Variants in CPNE4 observed in about 807,000 individuals in gnomAD.
CPNE4 encodes copine 4, also known as copine-4.
Under a neutral mutation model 67.9 loss-of-function variants are expected in CPNE4, and 25 were observed. The observed-to-expected ratio is 0.37, with a 90% CI of 0.27 to 0.51. CPNE4 has a LOEUF of 0.51. Among genes scored for constraint, CPNE4 ranks in the 20% least tolerant of loss-of-function variants. CPNE4 has a pLI of 0.93. For missense variants in CPNE4, 464 were observed against 690.8 expected (o/e 0.67, Z 3.68); for synonymous variants, 242 against 244.9 (o/e 0.99, Z 0.11).
chr3:131,715,878 G>C (rs571837642), intron 3 of CPNE4, among the ~76,000 whole-genome samples: 2 of 152,284 alleles, frequency 1.3e-5, no homozygotes, highest in Non-Finnish European at 2.9e-5. Context: ...TAGCAGAAGA[G>C]GGGCTTAGCT....
chr3:131,992,781 C>T (rs2073200338), intron 1 of CPNE4, among the ~76,000 whole-genome samples: 1 of 135,918 alleles, frequency 7.4e-6, no homozygotes, highest in African/African-American at 2.5e-5. Context: ...GTAATTTAAT[C>T]ATGGAGGCAG....
At chr3:131,888,724 G>T (rs1485045966) in intron 2 of CPNE4, among the ~76,000 whole-genome samples, 1 of 152,196 alleles carries the variant, frequency 6.6e-6, no homozygotes, top group African/African-American at 2.4e-5. Context: ...CAAGTGGAAT[G>T]AAGTTGCTCC....
In CPNE4 at chr3:131,689,199, G is replaced by T. The variant is rs367771507; in HGVS notation, c.508-3241C>A. Among the ~76,000 whole-genome samples the T allele has an allele frequency of 1.4e-4, 22 of 152,270 alleles. No homozygotes were observed. In the East Asian group the frequency reaches 3.1e-3, roughly 21 times the overall value. ...ATTTAATTTCTCCAAGGCTTAGTTT[G>T]CCATTCATAATGGAAGGAGTATCAA... is the stretch of plus-strand genomic sequence containing the variant. On this transcript the variant is annotated intron_variant, in intron 5 of 15. Coordinates refer to ENST00000429747, the MANE Select transcript of CPNE4 (RefSeq NM_130808.3).
At chr3:131,989,453 A>T in intron 1 of CPNE4, among the ~76,000 whole-genome samples, 1 of 85,782 alleles carries the variant, frequency 1.2e-5, no homozygotes, top group Admixed American at 1.8e-4. Context: ...ACATGTATTA[A>T]AAATTTCTTC....
rs527457716 is a variant in CPNE4 at position 131,720,601 on chromosome 3, G to A, written c.360+2845C>T. 2.0e-5 allele frequency among the ~76,000 whole-genome samples: 3 copies of A among 152,248 alleles called. No individual in the cohort carries two copies. The East Asian group carries it at 5.8e-4, about 29-fold the overall frequency. On this transcript the variant is annotated intron_variant, in intron 3 of 15. Coordinates refer to ENST00000429747, the MANE Select transcript of CPNE4 (RefSeq NM_130808.3). ...GCCCGGCTAGGAATGGTTCTTCATGGCTGATGTGAGTATATATACACAAAG... is the reference window on the plus strand; with the variant it reads ...GCCCGGCTAGGAATGGTTCTTCATGACTGATGTGAGTATATATACACAAAG...
chr3:131,925,157 TTCTC>T (rs35525721), intron 1 of CPNE4, among the ~76,000 whole-genome samples: 16 of 147,270 alleles, frequency 1.1e-4, no homozygotes, highest in South Asian at 2.2e-4. Flanking sequence ...TGTTCTCATA[TTCTC>T]TCTCTCTCTC....
At chr3:131,932,414 G>C (rs2071090132) in intron 1 of CPNE4, among the ~76,000 whole-genome samples, 1 of 151,996 alleles carries the variant, frequency 6.6e-6, no homozygotes, top group South Asian at 2.1e-4. Flanking sequence ...TTCCGTGCTA[G>C]GTACTCATGA....
chr3:131,696,430 A>G, intron 5 of CPNE4, 112 bp downstream of exon 5: 2 of 916,426 alleles, frequency 2.2e-6, no homozygotes, highest in Non-Finnish European at 3.4e-6. Context: ...GAATTTTTGG[A>G]TCTGTTTGAT....
intron 7 of CPNE4, among the ~76,000 whole-genome samples, chr3:131,667,884 T>C (rs919849598): frequency 1.3e-5 from 2 of 152,274 alleles, no homozygotes; most frequent in East Asian, 1.9e-4. Context: ...AAGGAGGTAT[T>C]ATTTTATTTC....
At chr3:131,992,754 G>A (rs1047366301) in intron 1 of CPNE4, among the ~76,000 whole-genome samples, 2 of 136,296 alleles carry the variant, frequency 1.5e-5, no homozygotes, top group Non-Finnish European at 3.3e-5. Context: ...TGTGTTGTCA[G>A]AGGGACCTGG....
intron 2 of CPNE4, among the ~76,000 whole-genome samples, chr3:131,819,511 C>T (rs112518273): frequency 4.2e-4 from 63 of 151,802 alleles, no homozygotes; most frequent in African/African-American, 1.4e-3. Flanking sequence ...CACACACACA[C>T]ACACACACAC....
chr3:131,666,444 T>C (rs2080264034), intron 7 of CPNE4, among the ~76,000 whole-genome samples: 2 of 151,950 alleles, frequency 1.3e-5, no homozygotes, highest in Admixed American at 6.6e-5. Context: ...AGAAAAAGAA[T>C]TGTAAAATTT....
At chr3:131,942,421 CGTGTGT>C (rs745460930) in intron 1 of CPNE4, among the ~76,000 whole-genome samples, 946 of 89,472 alleles carry the variant, frequency 0.011, 24 homozygotes, top group Non-Finnish European at 0.014. Context: ...CTAGCTTCCT[CGTGTGT>C]GTGTGTGTGT....
intron 2 of CPNE4, among the ~76,000 whole-genome samples, chr3:131,791,727 G>A (rs551785747): frequency 3.3e-5 from 5 of 152,266 alleles, no homozygotes; most frequent in African/African-American, 9.6e-5. Flanking sequence ...CAGGGGTGGT[G>A]TTTCCCGATT....
intron 7 of CPNE4, among the ~76,000 whole-genome samples, chr3:131,665,736 A>G (rs1487660157): frequency 1.3e-5 from 2 of 152,274 alleles, no homozygotes; most frequent in Admixed American, 1.3e-4. Context: ...GAAAATCACT[A>G]TAAACAATAA....
At chr3:132,027,062 GAAGA>G (rs937308012) in intron 1 of CPNE4, among the ~76,000 whole-genome samples, 1 of 152,174 alleles carries the variant, frequency 6.6e-6, no homozygotes, top group South Asian at 2.1e-4. Context: ...TATGAGTGAG[GAAGA>G]AAGAAACAGC....
chr3:131,712,531 C>T (rs2081585084), intron 3 of CPNE4, among the ~76,000 whole-genome samples: 1 of 152,192 alleles, frequency 6.6e-6, no homozygotes, highest in African/African-American at 2.4e-5. Context: ...ATCTTCACAA[C>T]TTCTAAAATA....
At chr3:131,975,079 T>C (rs560419451) in intron 1 of CPNE4, among the ~76,000 whole-genome samples, 3 of 152,136 alleles carry the variant, frequency 2.0e-5, no homozygotes, top group South Asian at 4.2e-4. Flanking sequence ...AAAATTCGTA[T>C]TATTCATTTT....
At chr3:131,551,448 A>G (rs1022544871) in intron 13 of CPNE4, among the ~76,000 whole-genome samples, 2 of 152,116 alleles carry the variant, frequency 1.3e-5, no homozygotes, top group Admixed American at 1.3e-4. Context: ...GGTGAATACC[A>G]GGGTTTATAT....
Sources: allele counts gnomAD v4.1 joint callset (sites outside exome capture counted in the v4.1 genomes callset), GRCh38; gene constraint gnomAD v4.1.1; transcripts MANE v1.5; gene names NCBI Gene and HGNC (gene_info 2026-07-23, HGNC 2026-07-21).